MMP26: variants seen among roughly 807,000 people sequenced by gnomAD.
The protein encoded by MMP26 is matrix metalloproteinase-26.
MMP26 carries 33 observed loss-of-function variants against 31.0 expected under a neutral mutation model. The ratio of observed to expected loss-of-function variants is 1.06; its 90% CI spans 0.81 to 1.42. MMP26 has a LOEUF of 1.42. MMP26 is among the 40% of genes most tolerant of loss of function. MMP26 has a pLI of 0.00. For synonymous variants in MMP26, 122 were observed against 114.9 expected, an observed-to-expected ratio of 1.06 and a Z score of -0.40; for missense variants, 347 against 316.1, an observed-to-expected ratio of 1.10 and a Z score of -0.74.
intron 2 of MMP26, among the ~76,000 whole-genome samples, chr11:4,886,981 AATC>A (rs1175287072): frequency 6.6e-6 from 1 of 151,952 alleles, no homozygotes; most frequent in Non-Finnish European, 1.5e-5. Context: ...GGGTGATAAA[AATC>A]ATATGCACAC....
At position 4,973,613 on chromosome 11, in the gene MMP26, G is replaced by T. The variant is rs573627011; in HGVS notation, c.-144-14455G>T. 212 of 157,700 alleles carry T rather than the reference G, an allele frequency of 1.3e-3. 1 individual carries two copies. The highest frequency in any genetic ancestry group is 3.2e-3 in the Middle Eastern group (2 of 620). 9.8% of individuals were successfully genotyped at this position (157,700 alleles called of 1,614,324 possible). A position where few individuals can be genotyped will look rare whatever the true frequency, so the allele number is the denominator to read the frequency against. On this transcript the variant is annotated intron_variant, in intron 2 of 7. Coordinates refer to ENST00000380390, the MANE Select transcript of MMP26 (RefSeq NM_021801.5). ...ACAGGCATCAGGGGAAATTCCTGGA[G>T]CATTGAACAGGAAAATCCTTAACAT...
intron 1 of MMP26, among the ~76,000 whole-genome samples, chr11:4,748,195 C>A (rs73393023): frequency 0.048 from 7,231 of 151,938 alleles, 542 homozygotes; most frequent in African/African-American, 0.17. Flanking sequence ...TAGAAATCCT[C>A]AAGGAAATGA....
At chr11:4,778,854 TATC>T (rs1256465539) in intron 2 of MMP26, among the ~76,000 whole-genome samples, 1 of 152,068 alleles carries the variant, frequency 6.6e-6, no homozygotes, top group East Asian at 1.9e-4. Context: ...TTTTAAATAA[TATC>T]ATCTTAGAAA....
chr11:4,797,114 T>G (rs2133448355), intron 2 of MMP26, among the ~76,000 whole-genome samples: 1 of 152,282 alleles, frequency 6.6e-6, no homozygotes, highest in Non-Finnish European at 1.5e-5. Context: ...TCCAGGCTGC[T>G]AAGTGCTGGG....
At chr11:4,923,894 C>CTTAG (rs761281583) in intron 2 of MMP26, 5 of 1,613,962 alleles carry the variant, frequency 3.1e-6, no homozygotes, top group Non-Finnish European at 4.2e-6. Flanking sequence ...AAGCACTGAG[C>CTTAG]TTAGCCCCAT....
intron 2 of MMP26, among the ~76,000 whole-genome samples, chr11:4,928,640 G>A (rs1296234194): frequency 6.6e-6 from 1 of 152,010 alleles, no homozygotes; most frequent in Non-Finnish European, 1.5e-5. Context: ...ATCTGTCTCA[G>A]ATTTTTTAAT....
intron 1 of MMP26, among the ~76,000 whole-genome samples, chr11:4,716,650 C>CTTTT (rs71050424): frequency 0.041 from 2,687 of 64,990 alleles, 857 homozygotes; most frequent in Admixed American, 0.052. Flanking sequence ...TCTCTTACCT[C>CTTTT]TTTTTTTTTT....
intron 2 of MMP26, among the ~76,000 whole-genome samples, chr11:4,801,645 C>T (rs556067170): frequency 4.3e-4 from 65 of 152,070 alleles, no homozygotes; most frequent in Middle Eastern, 3.4e-3. Flanking sequence ...CCAGTTCAAG[C>T]GATTCTCCTG....
At chr11:4,859,210 A>G (rs1249171102) in intron 2 of MMP26, among the ~76,000 whole-genome samples, 1 of 152,248 alleles carries the variant, frequency 6.6e-6, no homozygotes, top group African/African-American at 2.4e-5. Context: ...ACAAAAGCCA[A>G]AATGGACAAA....
chr11:4,934,876 A>T (rs1440823846), intron 2 of MMP26, among the ~76,000 whole-genome samples: 1 of 151,262 alleles, frequency 6.6e-6, no homozygotes, highest in Non-Finnish European at 1.5e-5. Flanking sequence ...GTCAAAGATC[A>T]GATAGTTGTA....
chr11:4,710,338 T>C (rs188442546), intron 1 of MMP26: 103 of 456,860 alleles, frequency 2.3e-4, no homozygotes, highest in African/African-American at 1.9e-3. Flanking sequence ...TACATCCCCA[T>C]GATCAGTTTG....
intron 2 of MMP26, among the ~76,000 whole-genome samples, chr11:4,890,970 A>T (rs1052108763): frequency 7.7e-6 from 1 of 129,684 alleles, no homozygotes; most frequent in East Asian, 2.4e-4. Context: ...CTGATCTGGA[A>T]TGAACTCAGA....
At chr11:4,894,804 TG>T (rs142585565) in intron 2 of MMP26, among the ~76,000 whole-genome samples, 12,975 of 152,166 alleles carry the variant, frequency 0.085, 692 homozygotes, top group Middle Eastern at 0.19. Flanking sequence ...AAGAAAACAT[TG>T]GGAAGTATTA....
At chr11:4,705,462 A>C (rs1417079918) in intron 1 of MMP26, among the ~76,000 whole-genome samples, 1 of 152,102 alleles carries the variant, frequency 6.6e-6, no homozygotes, top group African/African-American at 2.4e-5. Context: ...ATACCCAATA[A>C]TGGTGTTGTG....
At chr11:4,816,615 C>CA (rs200946968) in intron 2 of MMP26, among the ~76,000 whole-genome samples, 47 of 127,334 alleles carry the variant, frequency 3.7e-4, no homozygotes, top group East Asian at 1.2e-3. Context: ...TGGTCCAAAA[C>CA]AAAAAAAAAT....
intron 2 of MMP26, among the ~76,000 whole-genome samples, chr11:4,965,850 AT>A (rs1413578150): frequency 6.6e-6 from 1 of 152,210 alleles, no homozygotes; most frequent in African/African-American, 2.4e-5. Context: ...CTATACTTAT[AT>A]GCAAATTCAC....
chr11:4,823,851 G>A (rs1849545163), intron 2 of MMP26, among the ~76,000 whole-genome samples: 1 of 152,084 alleles, frequency 6.6e-6, no homozygotes, highest in Non-Finnish European at 1.5e-5. Context: ...AAATTATTGG[G>A]CTGACTATGA....
intron 2 of MMP26, among the ~76,000 whole-genome samples, chr11:4,969,780 A>G (rs1846640729): frequency 6.6e-6 from 1 of 152,128 alleles, no homozygotes; most frequent in South Asian, 2.1e-4. Flanking sequence ...TATGCTTTTT[A>G]TTATGTTTAA....
intron 2 of MMP26, among the ~76,000 whole-genome samples, chr11:4,825,466 G>T (rs539026268): frequency 6.6e-6 from 1 of 152,204 alleles, no homozygotes; most frequent in Admixed American, 6.6e-5. Flanking sequence ...TGTTCCTACA[G>T]AGAACCTTTG....
Sources: gnomAD v4.1 joint callset for allele counts (sites outside exome capture counted in the v4.1 genomes callset) on GRCh38, gnomAD v4.1.1 for gene constraint, MANE v1.5 for transcripts, NCBI Gene and HGNC (gene_info 2026-07-23, HGNC 2026-07-21) for gene names.